The following DPP6 variants were observed in gnomAD, a reference collection of about 807,000 sequenced individuals.
The protein encoded by DPP6 is A-type potassium channel modulatory protein DPP6.
In DPP6, 69 loss-of-function variants were observed where a neutral mutation model predicts 122.6. The ratio of observed to expected loss-of-function variants is 0.56; its 90% CI spans 0.46 to 0.69. The LOEUF (loss-of-function observed/expected upper bound fraction) is 0.69. DPP6 is among the 30% of genes least tolerant of loss of function. The pLI is 0.00. For synonymous variants in DPP6, 418 were observed against 433.1 expected, an observed-to-expected ratio of 0.97 and a Z score of 0.43; for missense variants, 928 against 1,116.9, an observed-to-expected ratio of 0.83 and a Z score of 2.41.
At chr7:154,501,826 G>T (rs1265211157) in intron 3 of DPP6, among the ~76,000 whole-genome samples, 2 of 152,166 alleles carry the variant, frequency 1.3e-5, no homozygotes, top group Non-Finnish European at 2.9e-5. Context: ...CTGTTCTCCA[G>T]ACCCCAGAAT....
At chr7:154,880,392 C>T (rs1225353022) in intron 20 of DPP6, among the ~76,000 whole-genome samples, 1 of 152,236 alleles carries the variant, frequency 6.6e-6, no homozygotes, top group Non-Finnish European at 1.5e-5. Context: ...ACAGGGGCCT[C>T]CTCCCAGGAA....
At chr7:153,753,774 G>A in the DPP6 span, among the ~76,000 whole-genome samples, 1 of 152,092 alleles carries the variant, frequency 6.6e-6, no homozygotes, top group East Asian at 1.9e-4. Context: ...CAGGATCAAG[G>A]ACTCACTTGG....
chr7:154,367,724 G>T (rs1383489410), intron 1 of DPP6, among the ~76,000 whole-genome samples: 1 of 152,206 alleles, frequency 6.6e-6, no homozygotes, highest in East Asian at 1.9e-4. Context: ...AGAGTGTGTA[G>T]CATGAGTAAG....
chr7:154,057,286 G>C (rs1018501593), intron 1 of DPP6: 1 of 150,982 alleles, frequency 6.6e-6, no homozygotes, highest in Non-Finnish European at 1.5e-5. Context: ...TGGTGGTTGA[G>C]AGCCAGCCCC....
intron 1 of DPP6, among the ~76,000 whole-genome samples, chr7:154,373,407 G>A (rs758730538): frequency 6.6e-5 from 10 of 152,262 alleles, no homozygotes; most frequent in South Asian, 2.1e-4. Flanking sequence ...TTCGTGAGGC[G>A]GTTGTGAGGA....
chr7:153,954,712 C>T (rs537584821), intron 1 of DPP6, among the ~76,000 whole-genome samples: 2 of 152,264 alleles, frequency 1.3e-5, no homozygotes, highest in Admixed American at 1.3e-4. Context: ...ACTGACCGCC[C>T]CAGTTAAGAG....
chr7:154,047,680 T>C (rs1423221610), upstream of DPP6, among the ~76,000 whole-genome samples: 2 of 152,146 alleles, frequency 1.3e-5, no homozygotes, highest in African/African-American at 4.8e-5. Flanking sequence ...GAGGCAATGT[T>C]GGTAGCACAA....
rs547090736 is a variant in DPP6, at chr7:154,569,946, C to G, written c.627+3030C>G. 2.0e-5 allele frequency among the ~76,000 whole-genome samples: 3 copies of G among 151,842 alleles called. No individual in the cohort carries two copies. In the East Asian group the frequency reaches 5.8e-4, roughly 29 times the overall value. ...TCTTGGAGCCATCTTCCTGGGTGAC[C>G]CTGGGCTTCTGTTTCTCAGTGGTGA... On this transcript the variant is annotated intron_variant, in intron 5 of 25. Coordinates refer to ENST00000377770, the MANE Select transcript of DPP6 (RefSeq NM_130797.4).
chr7:154,571,504 TATTA>T (rs961569144), intron 5 of DPP6, among the ~76,000 whole-genome samples: 1 of 152,182 alleles, frequency 6.6e-6, no homozygotes, highest in Non-Finnish European at 1.5e-5. Flanking sequence ...CATTTAAAAA[TATTA>T]ATTTCAAAGA....
rs554948394 is a variant in DPP6 at position 154,547,393 on chromosome 7, G to A, written c.552+6767G>A. ...TTACAAACTAACCCAGATTTCTGGCGTCTCTTGAAAAATACAAAGATCTGG... is the reference window on the plus strand; with the variant it reads ...TTACAAACTAACCCAGATTTCTGGCATCTCTTGAAAAATACAAAGATCTGG... On this transcript the variant is annotated intron_variant, in intron 4 of 25. Transcript: ENST00000377770. Among the ~76,000 whole-genome samples the A allele has an allele frequency of 4.6e-4, 70 of 152,288 alleles. 1 individual carries two copies. The highest frequency in any genetic ancestry group is 1.3e-3 in the African/African-American group (56 of 41,568).
chr7:153,826,023 T>C, the DPP6 span, among the ~76,000 whole-genome samples: 10 of 152,180 alleles, frequency 6.6e-5, no homozygotes, highest in South Asian at 2.1e-4. Context: ...CATAAAATAA[T>C]ACAAAATAGC....
intron 1 of DPP6, among the ~76,000 whole-genome samples, chr7:154,175,430 G>T (rs1332217710): frequency 1.3e-5 from 2 of 152,090 alleles, no homozygotes; most frequent in African/African-American, 4.8e-5. Context: ...CTGGACCCTG[G>T]CACCAGCATG....
At chr7:154,221,042 G>A (rs1305154478) in intron 1 of DPP6, among the ~76,000 whole-genome samples, 2 of 152,142 alleles carry the variant, frequency 1.3e-5, no homozygotes, top group Admixed American at 6.5e-5. Flanking sequence ...TGGGTGCCAG[G>A]CATAAAAACG....
At chr7:154,064,343 G>A (rs1337662830) in intron 1 of DPP6, among the ~76,000 whole-genome samples, 3 of 152,094 alleles carry the variant, frequency 2.0e-5, no homozygotes, top group Non-Finnish European at 2.9e-5. Context: ...CAGCAAGCTG[G>A]GCAGCGTCAA....
chr7:154,593,787 A>G (rs1343336843), intron 5 of DPP6, among the ~76,000 whole-genome samples: 1 of 152,208 alleles, frequency 6.6e-6, no homozygotes, highest in Non-Finnish European at 1.5e-5. Context: ...ACAGAAAGAG[A>G]GTAAACCTGC....
intron 1 of DPP6, among the ~76,000 whole-genome samples, chr7:154,340,956 T>C (rs1809873314): frequency 1.3e-5 from 2 of 152,180 alleles, no homozygotes; most frequent in Non-Finnish European, 2.9e-5. Context: ...GAGACATCCT[T>C]TTCTTATAGT....
intron 6 of DPP6, among the ~76,000 whole-genome samples, chr7:154,645,037 T>C (rs1563053886): frequency 6.6e-6 from 1 of 151,164 alleles, no homozygotes; most frequent in Non-Finnish European, 1.5e-5. Context: ...TGTTACTTGC[T>C]TTTTTTGTTT....
chr7:153,970,135 A>G (rs1795954738), intron 1 of DPP6, among the ~76,000 whole-genome samples: 1 of 152,250 alleles, frequency 6.6e-6, no homozygotes, highest in African/African-American at 2.4e-5. Flanking sequence ...GAATAAAGCT[A>G]TGAACACTCA....
intron 7 of DPP6, among the ~76,000 whole-genome samples, chr7:154,670,758 G>A (rs370967704): frequency 3.0e-4 from 45 of 152,250 alleles, no homozygotes; most frequent in African/African-American, 1.1e-3. Flanking sequence ...CGGATAGGCT[G>A]TCATCTATCT....
Sources: allele counts gnomAD v4.1 joint callset (sites outside exome capture counted in the v4.1 genomes callset), GRCh38; gene constraint gnomAD v4.1.1; transcripts MANE v1.5; gene names NCBI Gene and HGNC (gene_info 2026-07-23, HGNC 2026-07-21).